The following CACNA1D variants were observed in gnomAD, a reference collection of about 807,000 sequenced individuals.
CACNA1D encodes calcium voltage-gated channel subunit alpha1 D.
Under a neutral mutation model 257.1 loss-of-function variants are expected in CACNA1D, and 55 were observed. That is an observed-to-expected ratio of 0.21 (90% confidence interval 0.17 to 0.27). The LOEUF is 0.27. Ranked by LOEUF, CACNA1D falls within the 10% of genes least tolerant of loss-of-function variation. The probability of loss-of-function intolerance (pLI) is 1.00; values close to 1 mark genes in which losing one functional copy is unlikely to be tolerated. For synonymous variants in CACNA1D, 980 were observed against 1,014.9 expected (o/e 0.97, Z 0.65); for missense variants, 1,876 against 2,784.0 (o/e 0.67, Z 7.34).
intron 3 of CACNA1D, among the ~76,000 whole-genome samples, chr3:53,557,505 A>G (rs58476706): frequency 6.8e-6 from 1 of 146,084 alleles, no homozygotes; most frequent in Non-Finnish European, 1.5e-5. Context: ...AAAAAAAAAG[A>G]AAAAAAGAAA....
At chr3:53,651,388 T>TTTTTG (rs869307902) in intron 4 of CACNA1D, among the ~76,000 whole-genome samples, 1 of 140,286 alleles carries the variant, frequency 7.1e-6, no homozygotes, top group Non-Finnish European at 1.5e-5. Context: ...TTTTTTTTTT[T>TTTTTG]GCTGACTTGC....
chr3:53,517,733 C>G (rs2091400527), intron 3 of CACNA1D, among the ~76,000 whole-genome samples: 1 of 152,168 alleles, frequency 6.6e-6, no homozygotes, highest in Non-Finnish European at 1.5e-5. Context: ...CCACCCATCT[C>G]AGCCTCCCAA....
At chr3:53,644,987 T>C (rs2094003895) in intron 3 of CACNA1D, among the ~76,000 whole-genome samples, 1 of 152,236 alleles carries the variant, frequency 6.6e-6, no homozygotes, top group African/African-American at 2.4e-5. Context: ...CCAACACTTA[T>C]CACTTGTCTT....
chr3:53,566,670 T>C (rs537592859), intron 3 of CACNA1D, among the ~76,000 whole-genome samples: 1 of 152,302 alleles, frequency 6.6e-6, no homozygotes, highest in East Asian at 1.9e-4. Context: ...AGCTGTTTGC[T>C]GAGTGAAGGA....
intron 5 of CACNA1D, among the ~76,000 whole-genome samples, chr3:53,661,449 A>G (rs1425655192): frequency 6.6e-6 from 1 of 152,250 alleles, no homozygotes; most frequent in Non-Finnish European, 1.5e-5. Flanking sequence ...AGTCAAAACC[A>G]CAGAACTGTG....
At chr3:53,559,442 T>C (rs992938477) in intron 3 of CACNA1D, among the ~76,000 whole-genome samples, 2 of 152,344 alleles carry the variant, frequency 1.3e-5, no homozygotes, top group Admixed American at 6.5e-5. Flanking sequence ...CTGAGTCTTA[T>C]TTATTATGGA....
At position 53,691,729 on chromosome 3, in the gene CACNA1D, A is replaced by AAT. The variant is rs573051088; in HGVS notation, c.1221-10903_1221-10902dup. The stretch of plus-strand genomic sequence containing the variant: ...TATATAATATATATATTACATATAT[A>AAT]ATATATATATTACATATATAATATA... On this transcript the variant is annotated intron_variant, in intron 8 of 47. Coordinates refer to ENST00000350061, the MANE Select transcript of CACNA1D (RefSeq NM_001128840.3). 2.5e-3 allele frequency among the ~76,000 whole-genome samples: 121 copies of AAT among 47,712 alleles called. 1 individual carries two copies. The highest frequency in any genetic ancestry group is 0.011 in the African/African-American group (116 of 11,044). 31.3% of individuals were successfully genotyped at this position (47,712 alleles called of 152,430 possible). A position where few individuals can be genotyped will look rare whatever the true frequency, so the allele number is the denominator to read the frequency against.
intron 3 of CACNA1D, among the ~76,000 whole-genome samples, chr3:53,605,558 A>G (rs993103307): frequency 2.0e-5 from 3 of 152,254 alleles, no homozygotes; most frequent in African/African-American, 7.2e-5. Context: ...CCAGATAGGT[A>G]ACAAAAATCA....
At chr3:53,714,132 T>C (rs2108656838) in intron 9 of CACNA1D, among the ~76,000 whole-genome samples, 1 of 152,356 alleles carries the variant, frequency 6.6e-6, no homozygotes, top group East Asian at 1.9e-4. Context: ...TAAACTTCTC[T>C]AACAAAGCTC....
Position 53,810,185 on chromosome 3 carries a change from G to A in CACNA1D, c.6079G>A (p.Asp2027Asn). 6.2e-7 allele frequency: 1 copy of A among 1,613,990 alleles called. No homozygotes were observed. Among genetic ancestry groups the A allele is most frequent in the Non-Finnish European group, 8.5e-7 (1 of 1,180,040 alleles). The change falls in exon 47 of 48, where the codon GAC becomes AAC. Residue 2027 changes from aspartate (D) to asparagine (N), a missense_variant. Around this residue, in one of 10 missense-constraint regions of CACNA1D, gnomAD observed 491 missense variants for 554.3 expected, o/e 0.89. Coordinates refer to ENST00000350061, the MANE Select transcript of CACNA1D (RefSeq NM_001128840.3). ...PSLHRSSWYT[D>N]EPDISYRTFT... ...CCTGCACCGCAGCTCCTGGTACACA[G>A]ACGAGCCCGACATCTCCTACCGGAC...
intron 8 of CACNA1D, among the ~76,000 whole-genome samples, chr3:53,699,224 C>T (rs1376413267): frequency 6.6e-6 from 1 of 152,186 alleles, no homozygotes; most frequent in South Asian, 2.1e-4. Context: ...ATGTGTCCTT[C>T]TATGTGTCTC....
intron 8 of CACNA1D, among the ~76,000 whole-genome samples, chr3:53,675,365 C>T (rs1027976245): frequency 1.2e-4 from 18 of 152,194 alleles, no homozygotes; most frequent in Non-Finnish European, 2.4e-4. Context: ...GAAATAACAT[C>T]GCATTTGATT....
At position 53,800,379 on chromosome 3, in the gene CACNA1D, G is replaced by A. The variant is rs371117221; in HGVS notation, c.5040+14G>A. ...GATGTGTTCAAAGTAATTATTCCAC[G>A]CCTAGCTACACACTGGCCATCTGGA... On this transcript the variant is annotated intron_variant, in intron 41 of 47. Transcript: ENST00000350061. The surrounding 1 kb of genome is among the most constrained non-coding windows in gnomAD (Gnocchi z 4.3). 1.9e-5 allele frequency: 29 copies of A among 1,514,756 alleles called. No homozygotes were observed. The highest frequency in any genetic ancestry group is 1.7e-4 in the Middle Eastern group (1 of 5,902). 93.8% of individuals were successfully genotyped at this position (1,514,756 alleles called of 1,614,324 possible).
chr3:53,630,697 T>G (rs1156421637), intron 3 of CACNA1D, among the ~76,000 whole-genome samples: 1 of 152,170 alleles, frequency 6.6e-6, no homozygotes, highest in Non-Finnish European at 1.5e-5. Flanking sequence ...ACAAGTTGGT[T>G]AAAAGGAAAT....
intron 8 of CACNA1D, among the ~76,000 whole-genome samples, chr3:53,675,555 T>C (rs2094366842): frequency 6.6e-6 from 1 of 151,728 alleles, no homozygotes; most frequent in Non-Finnish European, 1.5e-5. Flanking sequence ...CCAGCAGACA[T>C]GATGAAGTAG....
In CACNA1D at chr3:53,732,771, G is replaced by A. The variant is rs780659608; in HGVS notation, c.2474-44G>A. 5.2e-6 allele frequency: 8 copies of A among 1,550,766 alleles called. No homozygotes were observed. The East Asian group carries it at 6.7e-5, about 13-fold the overall frequency. On this transcript the variant is annotated intron_variant, in intron 18 of 47. Transcript: ENST00000350061. Reference sequence around the variant, plus strand: ...AATTAAGAATAATTCAAACCCATATGTAGTCTTTATTTCATGCCTATAAAA... The same window carrying A: ...AATTAAGAATAATTCAAACCCATATATAGTCTTTATTTCATGCCTATAAAA...
chr3:53,811,678 G>T lies in CACNA1D; in HGVS notation c.*272G>T, dbSNP rs2095601488. Reference sequence around the variant, plus strand: ...TCACAGAGGATGGGTGAGGAGGCCAGACCTGCCCTGCCCCATTGTCCAGAT... The same window carrying T: ...TCACAGAGGATGGGTGAGGAGGCCATACCTGCCCTGCCCCATTGTCCAGAT... On this transcript the variant is annotated 3_prime_UTR_variant, in exon 48 of 48. Coordinates refer to ENST00000350061, the MANE Select transcript of CACNA1D (RefSeq NM_001128840.3). This position sits in a 1 kb window ranked among gnomAD's most constrained non-coding sequence, Gnocchi z 4.2. The T allele has an allele frequency of 2.9e-6, 1 of 348,782 alleles. No homozygotes were observed. The highest frequency in any genetic ancestry group is 5.2e-5 in the East Asian group (1 of 19,140). 21.6% of individuals were successfully genotyped at this position (348,782 alleles called of 1,614,324 possible). A position where few individuals can be genotyped will look rare whatever the true frequency, so the allele number is the denominator to read the frequency against.
intron 30 of CACNA1D, among the ~76,000 whole-genome samples, chr3:53,763,416 T>C (rs1206568370): frequency 2.0e-5 from 3 of 152,204 alleles, no homozygotes; most frequent in Non-Finnish European, 4.4e-5. Context: ...CCCTTGGGTC[T>C]GACCCATGCT....
Position 53,547,445 on chromosome 3 carries a change from A to G in CACNA1D, c.483+45725A>G, listed in dbSNP as rs148580850. ...TATTTTCTGCATCCTGTGAATGCAC[A>G]AGGGCCCAGAGTGGAGAGAGACTTG... On this transcript the variant is annotated intron_variant, in intron 3 of 47. Coordinates refer to ENST00000350061, the MANE Select transcript of CACNA1D (RefSeq NM_001128840.3). 4.6e-5 allele frequency among the ~76,000 whole-genome samples: 7 copies of G among 152,324 alleles called. No individual in the cohort carries two copies. In the East Asian group the frequency reaches 1.3e-3, roughly 29 times the overall value.
Sources: gnomAD v4.1 joint callset for allele counts (sites outside exome capture counted in the v4.1 genomes callset) on GRCh38, gnomAD v4.1.1 for gene constraint, gnomAD v4.1.1 regional missense constraint, Gnocchi (gnomAD v3.1) non-coding constraint, MANE v1.5 for transcripts, NCBI Gene and HGNC (gene_info 2026-07-23, HGNC 2026-07-21) for gene names.